Variants in FSCN1 observed in about 807,000 individuals in gnomAD.
FSCN1 encodes fascin actin-bundling protein 1, also known as fascin.
FSCN1 carries 10 observed loss-of-function variants against 39.7 expected under a neutral mutation model. The ratio of observed to expected loss-of-function variants is 0.25; its 90% CI spans 0.16 to 0.43. The LOEUF (loss-of-function observed/expected upper bound fraction) is 0.43, where lower values mean the gene tolerates loss of function less well. Ranked by LOEUF, FSCN1 falls within the 20% of genes least tolerant of loss-of-function variation. The pLI is 1.00. For missense variants in FSCN1, 525 were observed against 723.8 expected, an observed-to-expected ratio of 0.73 and a Z score of 3.15; for synonymous variants, 322 against 320.0, an observed-to-expected ratio of 1.01 and a Z score of -0.07.
At position 5,598,859 on chromosome 7, in the gene FSCN1, T is replaced by C. The variant is rs117886377; in HGVS notation, c.833-4398T>C. Among the ~76,000 whole-genome samples, 13 of 152,360 alleles carry C rather than the reference T, an allele frequency of 8.5e-5. No individual in the cohort carries two copies. In the East Asian group the frequency reaches 2.5e-3, roughly 29 times the overall value. On this transcript the variant is annotated intron_variant, in intron 1 of 4. Transcript: ENST00000382361. The stretch of plus-strand genomic sequence containing the variant: ...CCAGCGCATTGGACAGGTGGTGCTC[T>C]GTGGCCGGCACAGGCCAGGGCCCAG...
rs1464793058 is a variant in FSCN1 at position 5,599,043 on chromosome 7, T to G, written c.833-4214T>G. Among the ~76,000 whole-genome samples, 2 of 152,074 alleles carry G rather than the reference T, an allele frequency of 1.3e-5. No homozygotes were observed. Among genetic ancestry groups the G allele is most frequent in the South Asian group, 4.1e-4 (2 of 4,824 alleles). Reference sequence around the variant, plus strand: ...GCGGGCCAGACCTTTGCAGGGCCTCTTGGCTGGTGGAGGGCTGAGTGAGCA... The same window carrying G: ...GCGGGCCAGACCTTTGCAGGGCCTCGTGGCTGGTGGAGGGCTGAGTGAGCA... On this transcript the variant is annotated intron_variant, in intron 1 of 4. Coordinates refer to ENST00000382361, the MANE Select transcript of FSCN1 (RefSeq NM_003088.4). This position sits in a 1 kb window ranked among gnomAD's most constrained non-coding sequence, Gnocchi z 5.6.
In FSCN1 at chr7:5,599,117, G is replaced by A. The variant is rs1378772520; in HGVS notation, c.833-4140G>A. 0.029 allele frequency among the ~76,000 whole-genome samples: 2 copies of A among 70 alleles called. No homozygotes were observed. Among genetic ancestry groups the A allele is most frequent in the African/African-American group, 0.045 (1 of 22 alleles). The allele number at this position is 70 out of a possible 152,430, so 0.0% of individuals were successfully genotyped here. On this transcript the variant is annotated intron_variant, in intron 1 of 4. Coordinates refer to ENST00000382361, the MANE Select transcript of FSCN1 (RefSeq NM_003088.4). The surrounding 1 kb of genome is among the most constrained non-coding windows in gnomAD (Gnocchi z 5.6). ...TGGGGTGTGGCCTTAGGATGGTCCC[G>A]GCACCCTGGGACCCAGCCCCTGCTC...
intron 1 of FSCN1, among the ~76,000 whole-genome samples, chr7:5,595,056 G>A (rs1785706454): frequency 6.6e-6 from 1 of 152,206 alleles, no homozygotes; most frequent in South Asian, 2.1e-4. Flanking sequence ...GGGCGTGGGG[G>A]GATCTTTTTC....
rs143738037 is a variant in FSCN1, at chr7:5,603,371, C to T, written c.947C>T (p.Thr316Met). Residue 316 changes from threonine (T) to methionine (M), a missense_variant, in exon 2 of 5, where the codon ACG becomes ATG. Physicochemically the swap from Thr to Met is moderately conservative, Grantham distance 81 (BLOSUM62 -1). Transcript: ENST00000382361. This position sits in a 1 kb window ranked among gnomAD's most constrained non-coding sequence, Gnocchi z 8.5. ...CGTACCCACACGGGCAAGTACTGGA[C>T]GCTGACGGCCACCGGGGGCGTGCAG... ...AFRTHTGKYW[T>M]LTATGGVQST... 269 of 1,613,720 alleles carry T rather than the reference C, an allele frequency of 1.7e-4. No individual in the cohort carries two copies. Among genetic ancestry groups the T allele is most frequent in the Middle Eastern group, 3.3e-4 (2 of 6,060 alleles).
chr7:5,600,438 T>C (rs1785804705), intron 1 of FSCN1, among the ~76,000 whole-genome samples: 1 of 152,110 alleles, frequency 6.6e-6, no homozygotes, highest in Non-Finnish European at 1.5e-5. Flanking sequence ...GCAGCTTTGC[T>C]ATAGCTTAGG....
intron 1 of FSCN1, among the ~76,000 whole-genome samples, chr7:5,595,971 C>A (rs1292858698): frequency 6.6e-6 from 1 of 150,948 alleles, no homozygotes; most frequent in African/African-American, 2.4e-5. Flanking sequence ...CCAGAAATTG[C>A]AGCCAGGAGA....
chr7:5,600,537 G>C (rs1286830094), intron 1 of FSCN1, among the ~76,000 whole-genome samples: 1 of 152,102 alleles, frequency 6.6e-6, no homozygotes, highest in Non-Finnish European at 1.5e-5. Flanking sequence ...CTGTCGCCCA[G>C]GCTGGAGTGC....
rs1336106001 is a variant in FSCN1, at chr7:5,605,481, C to G, written c.*7C>G. 2 of 1,533,636 alleles carry G rather than the reference C, an allele frequency of 1.3e-6. No homozygotes were observed. Among genetic ancestry groups the G allele is most frequent in the Non-Finnish European group, 1.8e-6 (2 of 1,135,104 alleles). On this transcript the variant is annotated 3_prime_UTR_variant, in exon 5 of 5. Transcript: ENST00000382361. The surrounding 1 kb of genome is among the most constrained non-coding windows in gnomAD (Gnocchi z 6.9). ...CTCGCTCTGGGAGTACTAGGGCCGG[C>G]CCGTCCTTCCCCGCCCCTGCCCACA... is the stretch of plus-strand genomic sequence containing the variant.
At chr7:5,601,915 G>GT in intron 1 of FSCN1, among the ~76,000 whole-genome samples, 1 of 150,202 alleles carries the variant, frequency 6.7e-6, no homozygotes, top group African/African-American at 2.5e-5. Context: ...GGACTTCATA[G>GT]TTTCCTTTTT....
Position 5,603,273 on chromosome 7 carries a change from C to T in FSCN1, c.849C>T (p.Ala283=), listed in dbSNP as rs1178513944. The T allele has an allele frequency of 1.9e-6, 3 of 1,612,240 alleles. No individual in the cohort carries two copies. Among genetic ancestry groups the T allele is most frequent in the South Asian group, 1.1e-5 (1 of 91,018 alleles). Reference sequence around the variant, plus strand: ...TCTCTGCAGGTATGGACCTGTCTGCCAATCAGGACGAGGAGACCGACCAGG... The same window carrying T: ...TCTCTGCAGGTATGGACCTGTCTGCTAATCAGGACGAGGAGACCGACCAGG... The part of the protein sequence containing the change: ...VSTRQGMDLS[A]NQDEETDQET... Residue 283 remains alanine (A), a synonymous_variant, in exon 2 of 5, where the codon GCC becomes GCT. Transcript: ENST00000382361. This position sits in a 1 kb window ranked among gnomAD's most constrained non-coding sequence, Gnocchi z 8.5.
At position 5,603,476 on chromosome 7, in the gene FSCN1, C is replaced by T. The variant is rs1785871833; in HGVS notation, c.990-20C>T. 1.2e-6 allele frequency: 2 copies of T among 1,614,088 alleles called. No homozygotes were observed. Among genetic ancestry groups the T allele is most frequent in the Non-Finnish European group, 1.7e-6 (2 of 1,180,018 alleles). On this transcript the variant is annotated intron_variant, in intron 2 of 4. Transcript: ENST00000382361. The surrounding 1 kb of genome is among the most constrained non-coding windows in gnomAD (Gnocchi z 8.5). Reference sequence around the variant, plus strand: ...CCTTGCCTGGGCTACCCCGCCTGACCCTGTCCCGCCATCCCCCAGGAATGC... The same window carrying T: ...CCTTGCCTGGGCTACCCCGCCTGACTCTGTCCCGCCATCCCCCAGGAATGC...
In FSCN1 at chr7:5,604,520, C is replaced by G. The variant is rs567125360; in HGVS notation, c.1279+490C>G. Among the ~76,000 whole-genome samples, 155 of 151,884 alleles carry G rather than the reference C, an allele frequency of 1.0e-3. 1 individual carries two copies. The highest frequency in any genetic ancestry group is 3.6e-3 in the African/African-American group (148 of 41,408). ...GACTCACTCCCTCACCCTGGCTGGA[C>G]TGCAGTGGCGTTATCTCGGCTCACT... On this transcript the variant is annotated intron_variant, in intron 4 of 4. Coordinates refer to ENST00000382361, the MANE Select transcript of FSCN1 (RefSeq NM_003088.4).
intron 1 of FSCN1, among the ~76,000 whole-genome samples, chr7:5,597,427 A>G (rs546990693): frequency 6.6e-6 from 1 of 152,204 alleles, no homozygotes; most frequent in East Asian, 1.9e-4. Context: ...GCACTTTGGG[A>G]GTCCAAGGTG....
At chr7:5,594,045 A>ACCCCCCCCCCCCCCCCCCC (rs758470979) in intron 1 of FSCN1, 1 of 262,496 alleles carries the variant, frequency 3.8e-6, no homozygotes, top group Non-Finnish European at 6.6e-6. Flanking sequence ...CACCCTCCTA[A>ACCCCCCCCCCCCCCCCCCC]CCCCCCCCCC....
intron 1 of FSCN1, among the ~76,000 whole-genome samples, chr7:5,600,210 G>C (rs1351318632): frequency 6.6e-6 from 1 of 152,100 alleles, no homozygotes. Flanking sequence ...TCAGGAGTTT[G>C]AGACCGGCCT....
At chr7:5,595,699 T>G (rs1447606163) in intron 1 of FSCN1, among the ~76,000 whole-genome samples, 1 of 152,096 alleles carries the variant, frequency 6.6e-6, no homozygotes, top group African/African-American at 2.4e-5. Context: ...AAGCCCAGTG[T>G]GGCTGGGAGG....
In FSCN1 at chr7:5,599,566, C is replaced by G. The variant is rs919510754; in HGVS notation, c.833-3691C>G. On this transcript the variant is annotated intron_variant, in intron 1 of 4. Coordinates refer to ENST00000382361, the MANE Select transcript of FSCN1 (RefSeq NM_003088.4). The surrounding 1 kb of genome is among the most constrained non-coding windows in gnomAD (Gnocchi z 5.6). The stretch of plus-strand genomic sequence containing the variant: ...GTGGCTTACCCCTGTAATCCCAGCA[C>G]TTTGGGAGGCAAAGGTGGGAGGACT... Among the ~76,000 whole-genome samples the G allele has an allele frequency of 6.6e-6, 1 of 152,120 alleles. No individual in the cohort carries two copies. Among genetic ancestry groups the G allele is most frequent in the Non-Finnish European group, 1.5e-5 (1 of 68,016 alleles).
rs1194695644 is a variant in FSCN1, at chr7:5,592,870, G to T, written c.-67G>T. On this transcript the variant is annotated 5_prime_UTR_variant, in exon 1 of 5. Coordinates refer to ENST00000382361, the MANE Select transcript of FSCN1 (RefSeq NM_003088.4). The surrounding 1 kb of genome is among the most constrained non-coding windows in gnomAD (Gnocchi z 5.3). ...CGCGGCAGCCGAACAAAGGAGCAGG[G>T]GCGCCGCCGCAGGGACCCGCCACCC... 3 of 972,388 alleles carry T rather than the reference G, an allele frequency of 3.1e-6. No individual in the cohort carries two copies. The highest frequency in any genetic ancestry group is 1.7e-5 in the South Asian group (1 of 57,862). 60.2% of individuals were successfully genotyped at this position (972,388 alleles called of 1,614,324 possible). A position where few individuals can be genotyped will look rare whatever the true frequency, so the allele number is the denominator to read the frequency against.
intron 1 of FSCN1, among the ~76,000 whole-genome samples, chr7:5,601,185 C>G (rs1310527959): frequency 7.3e-6 from 1 of 136,734 alleles, no homozygotes; most frequent in African/African-American, 2.7e-5. Flanking sequence ...GTGCATGTTT[C>G]TTTCTTTCTT....
Sources: gnomAD v4.1 joint callset for allele counts (sites outside exome capture counted in the v4.1 genomes callset) on GRCh38, gnomAD v4.1.1 for gene constraint, Gnocchi (gnomAD v3.1) non-coding constraint, MANE v1.5 for transcripts, NCBI Gene and HGNC (gene_info 2026-07-23, HGNC 2026-07-21) for gene names.